CAPS2: variants seen among roughly 807,000 people sequenced by gnomAD.
CAPS2 encodes the protein calcyphosine 2.
CAPS2 carries 98 observed loss-of-function variants against 86.5 expected under a neutral mutation model. The observed-to-expected ratio is 1.13, with a 90% CI of 0.96 to 1.34. The LOEUF (loss-of-function observed/expected upper bound fraction) is 1.34. Among genes scored for constraint, CAPS2 ranks in the 40% most tolerant of loss-of-function variants. The pLI is 0.00. For synonymous variants in CAPS2, 210 were observed against 225.1 expected, an observed-to-expected ratio of 0.93 and a Z score of 0.60; for missense variants, 729 against 686.8, an observed-to-expected ratio of 1.06 and a Z score of -0.69.
At chr12:75,300,748 C>G (rs1405487211) in intron 8 of CAPS2, among the ~76,000 whole-genome samples, 3 of 151,872 alleles carry the variant, frequency 2.0e-5, no homozygotes, top group Non-Finnish European at 4.4e-5. Context: ...CTATAGCCAC[C>G]ATGAGATCAA....
chr12:75,318,821 A>G (rs775293519), intron 5 of CAPS2, among the ~76,000 whole-genome samples: 46 of 152,074 alleles, frequency 3.0e-4, no homozygotes, highest in Non-Finnish European at 4.6e-4. Context: ...CTTTAGAGGC[A>G]GAAATTTTTG....
upstream of CAPS2, among the ~76,000 whole-genome samples, chr12:75,332,100 C>A (rs1267784848): frequency 2.0e-5 from 3 of 152,150 alleles, no homozygotes; most frequent in African/African-American, 4.8e-5. Flanking sequence ...TTATTAAAAA[C>A]GTCTCTTAGA....
intron 1 of CAPS2, among the ~76,000 whole-genome samples, chr12:75,358,735 TATG>T (rs1174710145): frequency 6.9e-6 from 1 of 145,326 alleles, no homozygotes; most frequent in Non-Finnish European, 1.5e-5. Context: ...ATATTATATA[TATG>T]GTTTAAATAT....
intron 7 of CAPS2, among the ~76,000 whole-genome samples, chr12:75,310,738 A>C (rs1033926848): frequency 2.6e-5 from 4 of 152,092 alleles, no homozygotes; most frequent in Non-Finnish European, 5.9e-5. Context: ...AGTCATGCAA[A>C]TGCGGATTGG....
At chr12:75,364,638 T>A (rs1041799518) in intron 1 of CAPS2, among the ~76,000 whole-genome samples, 1 of 152,230 alleles carries the variant, frequency 6.6e-6, no homozygotes. Flanking sequence ...TTAACTTATC[T>A]TTAACTTCTA....
chr12:75,381,861 C>A (rs532968207), intron 1 of CAPS2, among the ~76,000 whole-genome samples: 2 of 152,132 alleles, frequency 1.3e-5, no homozygotes, highest in South Asian at 4.1e-4. Context: ...GATCTGCCCA[C>A]CTCGGCTGCC....
chr12:75,306,066 G>T (rs760769740), intron 7 of CAPS2: 356 of 1,470,274 alleles, frequency 2.4e-4, no homozygotes, highest in Middle Eastern at 7.2e-4. Flanking sequence ...CGTCTAGAAC[G>T]TGCTGCGCGT....
intron 1 of CAPS2, among the ~76,000 whole-genome samples, chr12:75,325,942 T>C (rs1362811473): frequency 6.6e-6 from 1 of 152,120 alleles, no homozygotes; most frequent in Non-Finnish European, 1.5e-5. Context: ...ACATTCAATC[T>C]TATTGCCAAA....
At chr12:75,324,307 T>C (rs1411845730) in intron 2 of CAPS2, among the ~76,000 whole-genome samples, 1 of 152,222 alleles carries the variant, frequency 6.6e-6, no homozygotes, top group Non-Finnish European at 1.5e-5. Context: ...ATCTATTGGC[T>C]ACATGGAATC....
chr12:75,389,247 T>C (rs1478482954), intron 1 of CAPS2, among the ~76,000 whole-genome samples: 1 of 152,232 alleles, frequency 6.6e-6, no homozygotes, highest in Non-Finnish European at 1.5e-5. Context: ...ATGATTCATC[T>C]GTGTCACCTT....
Position 75,323,071 on chromosome 12 carries a change from A to C in CAPS2, c.194T>G (p.Ile65Ser), listed in dbSNP as rs1372491228. Residue 65 changes from isoleucine to serine, a missense_variant, in exon 4 of 17, where the codon ATT (isoleucine) becomes AGT (serine). Transcript: ENST00000393284. ...TGGCAGGTTTGCTGTACTAAGTGGA[A>C]TATATGAAAAATTGTCCTAAAAAAT... 1.9e-6 allele frequency: 3 copies of C among 1,548,098 alleles called. No homozygotes were observed. In the African/African-American group the frequency reaches 4.1e-5, roughly 21 times the overall value.
At chr12:75,386,180 C>CA (rs1274221008) in intron 1 of CAPS2, among the ~76,000 whole-genome samples, 2 of 151,794 alleles carry the variant, frequency 1.3e-5, no homozygotes, top group African/African-American at 2.4e-5. Flanking sequence ...TATGAAGAGG[C>CA]AAAAAAACCC....
At position 75,354,170 on chromosome 12, in the gene CAPS2, G is replaced by GT. The variant is rs1003919920; in HGVS notation, c.-394-30949_-394-30948insA. 9.7e-5 allele frequency among the ~76,000 whole-genome samples: 14 copies of GT among 144,880 alleles called. 1 individual carries two copies. Among genetic ancestry groups the GT allele is most frequent in the African/African-American group, 2.8e-4 (11 of 39,010 alleles). On this transcript the variant is annotated intron_variant, in intron 1 of 5. Coordinates refer to the CAPS2 transcript ENST00000551829. ...CAATCAGGGAAGAGAAAAAAAAGGG[G>GT]GGGGGGTATTCAAATAGGAAAAGAG... is the stretch of plus-strand genomic sequence containing the variant.
chr12:75,338,283 G>T lies in CAPS2; in HGVS notation c.-394-15061C>A, dbSNP rs138372984. On this transcript the variant is annotated intron_variant, in intron 1 of 5. Transcript: ENST00000551829. ...TCTCAGGAATAAAAAGTTGAATTAG[G>T]ACTTGAAAATTAATCAACATAATCA... is the stretch of plus-strand genomic sequence containing the variant. 2.0e-5 allele frequency among the ~76,000 whole-genome samples: 3 copies of T among 152,180 alleles called. No individual in the cohort carries two copies. The East Asian group carries it at 5.8e-4, about 29-fold the overall frequency.
intron 16 of CAPS2, among the ~76,000 whole-genome samples, chr12:75,281,124 G>A (rs2033869386): frequency 6.6e-6 from 1 of 151,804 alleles, no homozygotes; most frequent in Non-Finnish European, 1.5e-5. Context: ...GACTGGCAAA[G>A]TGAAATTTTT....
chr12:75,314,156 G>A (rs1437142061), intron 6 of CAPS2, among the ~76,000 whole-genome samples: 1 of 152,138 alleles, frequency 6.6e-6, no homozygotes, highest in Non-Finnish European at 1.5e-5. Flanking sequence ...CTGGTCTCAA[G>A]TGCTCCACCA....
At chr12:75,306,658 A>G (rs1565858273) in intron 7 of CAPS2, among the ~76,000 whole-genome samples, 3 of 152,232 alleles carry the variant, frequency 2.0e-5, no homozygotes, top group Non-Finnish European at 4.4e-5. Context: ...GAAAGTTTCC[A>G]TCTTATTCTT....
chr12:75,374,444 C>T (rs562057683), intron 1 of CAPS2, among the ~76,000 whole-genome samples: 1 of 152,316 alleles, frequency 6.6e-6, no homozygotes, highest in South Asian at 2.1e-4. Flanking sequence ...AATATCTCCA[C>T]AGGCCCCATA....
chr12:75,362,917 T>C (rs2043704820), intron 1 of CAPS2, among the ~76,000 whole-genome samples: 1 of 152,168 alleles, frequency 6.6e-6, no homozygotes, highest in Non-Finnish European at 1.5e-5. Flanking sequence ...ACGTGATTCA[T>C]CCTGTAAGGA....
Sources: gnomAD v4.1 joint callset for allele counts (sites outside exome capture counted in the v4.1 genomes callset) on GRCh38, gnomAD v4.1.1 for gene constraint, MANE v1.5 for transcripts, NCBI Gene and HGNC (gene_info 2026-07-23, HGNC 2026-07-21) for gene names.